Variants in FRY observed in about 807,000 individuals in gnomAD.
FRY encodes the protein FRY microtubule binding protein.
In FRY, 128 loss-of-function variants were observed where a neutral mutation model predicts 348.4. The observed-to-expected ratio is 0.37, with a 90% CI of 0.32 to 0.43. FRY has a LOEUF of 0.43. Among genes scored for constraint, FRY ranks in the 20% least tolerant of loss-of-function variants. The pLI, the probability that FRY is intolerant of heterozygous loss-of-function variation, is 1.00. For synonymous variants in FRY, 1,370 were observed against 1,374.7 expected, an observed-to-expected ratio of 1.00 and a Z score of 0.08; for missense variants, 2,736 against 3,695.2, an observed-to-expected ratio of 0.74 and a Z score of 6.73.
intron 11 of FRY, among the ~76,000 whole-genome samples, chr13:32,137,535 G>A (rs1001076413): frequency 2.9e-4 from 44 of 152,238 alleles, no homozygotes; most frequent in African/African-American, 1.0e-3. Flanking sequence ...ATGGCAGTCA[G>A]TCCTAAGCAT....
chr13:32,230,191 A>G (rs1241592753), intron 40 of FRY, among the ~76,000 whole-genome samples: 1 of 152,206 alleles, frequency 6.6e-6, no homozygotes, highest in Non-Finnish European at 1.5e-5. Flanking sequence ...AGTATCCATT[A>G]GTTGTTTTTC....
intron 2 of FRY, among the ~76,000 whole-genome samples, chr13:32,091,546 G>A (rs1593602095): frequency 6.6e-6 from 1 of 152,340 alleles, no homozygotes; most frequent in East Asian, 1.9e-4. Context: ...ACGAAGTAGA[G>A]TGCCTGCGGC....
intron 54 of FRY, among the ~76,000 whole-genome samples, chr13:32,266,192 C>G (rs1051686177): frequency 6.6e-6 from 1 of 152,180 alleles, no homozygotes; most frequent in African/African-American, 2.4e-5. Context: ...TAAAATTACT[C>G]TTCTGAAAGT....
intron 1 of FRY, among the ~76,000 whole-genome samples, chr13:32,044,679 T>A (rs1872925684): frequency 6.6e-6 from 1 of 152,200 alleles, no homozygotes; most frequent in South Asian, 2.1e-4. Context: ...GATGCTTGCT[T>A]GCTTGGCCTT....
At position 32,298,904 on chromosome 13, in the gene FRY, G is replaced by C. The variant is rs2072105405; in HGVS notation, c.*3444G>C. 2 of 152,180 alleles carry C rather than the reference G, an allele frequency of 1.3e-5. No homozygotes were observed. Among genetic ancestry groups the C allele is most frequent in the South Asian group, 4.1e-4 (2 of 4,828 alleles). The allele number at this position is 152,180 out of a possible 1,614,324, so 9.4% of individuals were successfully genotyped here. A position where few individuals can be genotyped will look rare whatever the true frequency, so the allele number is the denominator to read the frequency against. ...ACTTTGTCCCTTGCTGAGCAAGATG[G>C]GAAGCCACTGAATGTTTGCGGGCAG... On this transcript the variant is annotated 3_prime_UTR_variant, in exon 61 of 61. Transcript: ENST00000542859.
chr13:32,289,597 A>G, intron 58 of FRY, 36 bp from the exon 59 acceptor site: 1 of 1,233,892 alleles, frequency 8.1e-7, no homozygotes, highest in South Asian at 1.2e-5. Context: ...GATCTTTAAC[A>G]ATAACTGTTT....
chr13:32,118,931 T>C (rs1427950261), intron 4 of FRY, among the ~76,000 whole-genome samples: 2 of 152,178 alleles, frequency 1.3e-5, no homozygotes, highest in African/African-American at 4.8e-5. Context: ...AGTGGGACAG[T>C]TTTTAGTGAG....
At chr13:32,222,283 G>C (rs1489247320) in intron 36 of FRY, among the ~76,000 whole-genome samples, 1 of 152,166 alleles carries the variant, frequency 6.6e-6, no homozygotes, top group African/African-American at 2.4e-5. Flanking sequence ...GCTGGTAGGA[G>C]ATAAGCCAGG....
intron 50 of FRY, 58 bp from the exon 51 acceptor site, chr13:32,254,166 C>T (rs1887221529): frequency 1.3e-6 from 2 of 1,555,708 alleles, no homozygotes; most frequent in South Asian, 1.1e-5. Context: ...TACAATTTTT[C>T]GTAGCACAAA....
At position 32,231,301 on chromosome 13, in the gene FRY, G is replaced by T; in HGVS notation, c.5527+1G>T. 1 of 1,612,920 alleles carries T rather than the reference G, an allele frequency of 6.2e-7. No individual in the cohort carries two copies. Among genetic ancestry groups the T allele is most frequent in the East Asian group, 2.2e-5 (1 of 44,840 alleles). On this transcript the variant is annotated splice_donor_variant, in intron 41 of 60. Coordinates refer to ENST00000542859, the MANE Select transcript of FRY (RefSeq NM_023037.3). LOFTEE classifies it high-confidence loss of function. ...TCTGTATTTAAAGATTCCAAATCAG[G>T]TACTTCATCTTATTTGCACAGATCC...
At chr13:32,216,697 A>G (rs1224058920) in intron 35 of FRY, among the ~76,000 whole-genome samples, 1 of 152,236 alleles carries the variant, frequency 6.6e-6, no homozygotes, top group African/African-American at 2.4e-5. Context: ...CATAAATATG[A>G]TTAAAGAACT....
At chr13:32,271,586 C>T (rs1001166220) in intron 55 of FRY, among the ~76,000 whole-genome samples, 2 of 152,182 alleles carry the variant, frequency 1.3e-5, no homozygotes, top group African/African-American at 4.8e-5. Context: ...CCATGAGCCA[C>T]CTCCACTGGG....
intron 46 of FRY, among the ~76,000 whole-genome samples, chr13:32,243,156 C>A (rs1056694679): frequency 5.3e-5 from 8 of 152,150 alleles, no homozygotes; most frequent in Non-Finnish European, 1.2e-4. Flanking sequence ...ACATTCATGT[C>A]AATATTGGCA....
chr13:32,094,261 G>T (rs1376710805), intron 2 of FRY, among the ~76,000 whole-genome samples: 1 of 151,914 alleles, frequency 6.6e-6, no homozygotes, highest in Non-Finnish European at 1.5e-5. Flanking sequence ...TATATTTATA[G>T]GGTACATGAG....
At chr13:32,243,986 C>T (rs1886643451) in intron 46 of FRY, 56 bp from the exon 47 acceptor site, 1 of 1,590,176 alleles carries the variant, frequency 6.3e-7, no homozygotes, top group African/African-American at 1.3e-5. Context: ...AAACACGGGT[C>T]CTTCCATACG....
intron 31 of FRY, among the ~76,000 whole-genome samples, chr13:32,205,537 C>G (rs1045807989): frequency 2.0e-5 from 3 of 152,072 alleles, no homozygotes; most frequent in Non-Finnish European, 4.4e-5. Flanking sequence ...CGTGCAGGAA[C>G]AGGAAAAGCT....
rs770132883 is a variant in FRY at position 32,278,546 on chromosome 13, A to G, written c.8467A>G (p.Lys2823Glu). 1 of 1,484,924 alleles carries G rather than the reference A, an allele frequency of 6.7e-7. No homozygotes were observed. Among genetic ancestry groups the G allele is most frequent in the South Asian group, 1.1e-5 (1 of 88,454 alleles). The allele number at this position is 1,484,924 out of a possible 1,614,324, so 92.0% of individuals were successfully genotyped here. ...CTGTCAACCAGGGGACTCCGAAGAA[A>G]AGGTAATAAAAGCCTGTTAGAATGG... Reference protein sequence around the residue: ...ITCQPGDSEEKQLELCQRLYK... With the variant: ...ITCQPGDSEEEQLELCQRLYK... Residue 2823 changes from lysine to glutamate, a missense_variant and splice_region_variant, in exon 58 of 61, where the codon AAG (lysine) becomes GAG (glutamate). Transcript: ENST00000542859.
At chr13:32,219,387 C>T (rs1331827161) in intron 36 of FRY, among the ~76,000 whole-genome samples, 1 of 148,998 alleles carries the variant, frequency 6.7e-6, no homozygotes, top group East Asian at 2.0e-4. Flanking sequence ...CCGCGCCCGG[C>T]CGTGTTTTTA....
intron 55 of FRY, among the ~76,000 whole-genome samples, chr13:32,274,618 G>A (rs931132139): frequency 2.0e-4 from 29 of 147,850 alleles, no homozygotes; most frequent in African/African-American, 7.2e-4. Context: ...GCAGGAGAAT[G>A]GCGTGAACCT....
Sources: gnomAD v4.1 joint callset for allele counts (sites outside exome capture counted in the v4.1 genomes callset) on GRCh38, gnomAD v4.1.1 for gene constraint, MANE v1.5 for transcripts, NCBI Gene and HGNC (gene_info 2026-07-23, HGNC 2026-07-21) for gene names.